KLHDC1: variants seen among roughly 807,000 people sequenced by gnomAD.
KLHDC1 encodes kelch domain containing 1, also known as kelch domain-containing protein 1.
KLHDC1 carries 53 observed loss-of-function variants against 68.3 expected under a neutral mutation model. The ratio of observed to expected loss-of-function variants is 0.78; its 90% CI spans 0.62 to 0.98. KLHDC1 has a LOEUF of 0.98. Among genes scored for constraint, KLHDC1 ranks in the 50% least tolerant of loss-of-function variants. The pLI is 0.00. For missense variants in KLHDC1, 470 were observed against 492.3 expected, an observed-to-expected ratio of 0.95 and a Z score of 0.43; for synonymous variants, 148 against 159.0, an observed-to-expected ratio of 0.93 and a Z score of 0.52.
At chr14:49,743,072 CAAAAAA>C (rs55778725) in intron 11 of KLHDC1, among the ~76,000 whole-genome samples, 1 of 58,350 alleles carries the variant, frequency 1.7e-5, no homozygotes, top group Non-Finnish European at 3.0e-5. Flanking sequence ...ACCCTGTCTC[CAAAAAA>C]AAAAAAAAAA....
intron 10 of KLHDC1, among the ~76,000 whole-genome samples, chr14:49,737,864 CAA>C (rs760826908): frequency 4.0e-5 from 2 of 50,268 alleles, no homozygotes; most frequent in Non-Finnish European, 8.0e-5. Flanking sequence ...GATCCTGTCT[CAA>C]AAAAAAAAAA....
At chr14:49,740,848 A>G (rs1449257963) in intron 11 of KLHDC1, among the ~76,000 whole-genome samples, 1 of 152,140 alleles carries the variant, frequency 6.6e-6, no homozygotes, top group African/African-American at 2.4e-5. Context: ...AAATCCCAGC[A>G]CTTTGGGAGG....
intron 8 of KLHDC1, among the ~76,000 whole-genome samples, 181 bp from the exon 9 acceptor site, chr14:49,732,523 G>T (rs1888836088): frequency 6.6e-6 from 1 of 151,976 alleles, no homozygotes; most frequent in Non-Finnish European, 1.5e-5. Context: ...GTCATTAAAT[G>T]GAAAGATTTT....
rs1001891645 is a variant in KLHDC1 at position 49,743,766 on chromosome 14, A to G, written c.995A>G (p.Asp332Gly). 13 of 1,594,582 alleles carry G rather than the reference A, an allele frequency of 8.2e-6. No individual in the cohort carries two copies. Among genetic ancestry groups the G allele is most frequent in the Admixed American group, 3.4e-5 (2 of 59,056 alleles). Reference protein sequence around the residue: ...LLALDTGHCNDLLIFQTQPYS... With the variant: ...LLALDTGHCNGLLIFQTQPYS... ...TGTGTTGATTAGGGTCACTGTAATGATTTATTGATCTTTCAAACACAGCCT... is the reference window on the plus strand; with the variant it reads ...TGTGTTGATTAGGGTCACTGTAATGGTTTATTGATCTTTCAAACACAGCCT... Residue 332 changes from aspartate to glycine, a missense_variant, in exon 12 of 13, where the codon GAT becomes GGT. Coordinates refer to ENST00000359332, the MANE Select transcript of KLHDC1 (RefSeq NM_172193.3).
At chr14:49,732,555 A>G (rs1481548984) in intron 8 of KLHDC1, 149 bp from the exon 9 acceptor site, 2 of 471,002 alleles carry the variant, frequency 4.2e-6, no homozygotes, top group African/African-American at 2.0e-5. Context: ...TAAGAATTTA[A>G]TAATGTTTTT....
chr14:49,721,754 T>G (rs940489192), intron 4 of KLHDC1, among the ~76,000 whole-genome samples: 5 of 152,130 alleles, frequency 3.3e-5, no homozygotes, highest in Non-Finnish European at 1.5e-5. Context: ...CTCTCAGAAC[T>G]GTGGGAGATC....
chr14:49,712,508 T>C (rs1165261368), intron 4 of KLHDC1, among the ~76,000 whole-genome samples: 2 of 151,324 alleles, frequency 1.3e-5, no homozygotes, highest in Non-Finnish European at 3.0e-5. Flanking sequence ...TTTTCTTTTT[T>C]TTTTTTTTTT....
intron 4 of KLHDC1, among the ~76,000 whole-genome samples, chr14:49,723,366 C>CTACAAAAA (rs1257996313): frequency 6.6e-6 from 1 of 151,284 alleles, no homozygotes; most frequent in African/African-American, 2.4e-5. Context: ...AACCCCATCT[C>CTACAAAAA]TACAAAAATA....
intron 6 of KLHDC1, among the ~76,000 whole-genome samples, chr14:49,728,409 A>T (rs1316529455): frequency 2.0e-5 from 3 of 152,238 alleles, no homozygotes; most frequent in Admixed American, 2.0e-4. Flanking sequence ...ATTAATGTTA[A>T]GAGTTTTAGT....
chr14:49,710,853 T>A (rs953789671), intron 4 of KLHDC1, among the ~76,000 whole-genome samples: 1 of 152,214 alleles, frequency 6.6e-6, no homozygotes, highest in Middle Eastern at 3.2e-3. Context: ...TTTTTAACTA[T>A]TTTTTGTGGT....
At chr14:49,732,575 A>G (rs1297730156) in intron 8 of KLHDC1, 129 bp from the exon 9 acceptor site, 8 of 479,456 alleles carry the variant, frequency 1.7e-5, no homozygotes, top group Admixed American at 1.2e-4. Context: ...TCAAATATTC[A>G]TGTAGGTGGG....
intron 1 of KLHDC1, among the ~76,000 whole-genome samples, chr14:49,707,335 A>ATTT (rs1888079406): frequency 4.8e-5 from 5 of 104,828 alleles, no homozygotes; most frequent in African/African-American, 1.1e-4. Flanking sequence ...TAGACAAGAT[A>ATTT]TTCTTTTTTT....
chr14:49,723,902 A>G lies in KLHDC1; in HGVS notation c.433A>G (p.Arg145Gly), dbSNP rs760317077. The G allele has an allele frequency of 1.2e-6, 2 of 1,603,492 alleles. No homozygotes were observed. Among genetic ancestry groups the G allele is most frequent in the South Asian group, 1.1e-5 (1 of 90,098 alleles). Residue 145 changes from arginine (R) to glycine (G), a missense_variant, in exon 5 of 13, where the codon AGG becomes GGG. Physicochemically the swap from Arg to Gly is moderately radical, Grantham distance 125. Transcript: ENST00000359332. ...AATATATTTTGGTGGTTATGGGTGTAGGAGACACAGTGAACTCCAAGACTG... is the reference window on the plus strand; with the variant it reads ...AATATATTTTGGTGGTTATGGGTGTGGGAGACACAGTGAACTCCAAGACTG... ...RLIYFGGYGC[R>G]RHSELQDCFD...
At chr14:49,696,744 T>A (rs1422259650) in intron 1 of KLHDC1, among the ~76,000 whole-genome samples, 2 of 152,210 alleles carry the variant, frequency 1.3e-5, no homozygotes. Context: ...CTTGATTTCC[T>A]TTAAGAACTT....
At chr14:49,699,434 AAAG>A (rs1434819303) in intron 1 of KLHDC1, among the ~76,000 whole-genome samples, 2 of 152,056 alleles carry the variant, frequency 1.3e-5, no homozygotes, top group Non-Finnish European at 2.9e-5. Context: ...AAAAAAAAAA[AAAG>A]AGGACATGGC....
rs74349685 is a variant in KLHDC1, at chr14:49,699,945, G to A, written c.96+6655G>A. On this transcript the variant is annotated intron_variant, in intron 1 of 12. Transcript: ENST00000359332. The stretch of plus-strand genomic sequence containing the variant: ...AACTCGGTATCTTGGCATGTTTGCA[G>A]GTAGTATGGTTTTCCTATCATGGCC... 5.6e-3 allele frequency: 1,195 copies of A among 214,156 alleles called. 17 individuals carry two copies. Among genetic ancestry groups the A allele is most frequent in the African/African-American group, 0.027 (1,113 of 41,826 alleles). The allele number at this position is 214,156 out of a possible 1,614,324, so 13.3% of individuals were successfully genotyped here.
chr14:49,742,119 C>G (rs905510794), intron 11 of KLHDC1, among the ~76,000 whole-genome samples: 1 of 152,206 alleles, frequency 6.6e-6, no homozygotes, highest in Non-Finnish European at 1.5e-5. Flanking sequence ...AAGATTAAAA[C>G]TACAACTTCG....
intron 1 of KLHDC1, among the ~76,000 whole-genome samples, chr14:49,698,602 G>T (rs576791859): frequency 6.6e-6 from 1 of 151,622 alleles, no homozygotes; most frequent in East Asian, 2.0e-4. Flanking sequence ...TGCAACCTCT[G>T]CCTCCTGGGT....
intron 4 of KLHDC1, among the ~76,000 whole-genome samples, chr14:49,715,192 G>A (rs1002747089): frequency 6.7e-6 from 1 of 149,096 alleles, no homozygotes; most frequent in African/African-American, 2.5e-5. Flanking sequence ...GCATGATCTC[G>A]GCTCACTGCA....
Sources: allele counts gnomAD v4.1 joint callset (sites outside exome capture counted in the v4.1 genomes callset), GRCh38; gene constraint gnomAD v4.1.1; transcripts MANE v1.5; gene names NCBI Gene and HGNC (gene_info 2026-07-23, HGNC 2026-07-21).